The following UBE2F variants were observed in gnomAD, a reference collection of about 807,000 sequenced individuals.
UBE2F encodes ubiquitin conjugating enzyme E2 F (putative).
UBE2F carries 5 observed loss-of-function variants against 29.6 expected under a neutral mutation model. That is an observed-to-expected ratio of 0.17 (90% CI 0.09 to 0.36). UBE2F has a LOEUF of 0.36. Ranked by LOEUF, UBE2F falls within the 10% of genes least tolerant of loss-of-function variation. The probability of loss-of-function intolerance (pLI) is 1.00; values close to 1 mark genes in which losing one functional copy is unlikely to be tolerated. For synonymous variants in UBE2F, 66 were observed against 81.8 expected (o/e 0.81, Z 1.04); for missense variants, 141 against 228.5 (o/e 0.62, Z 2.47).
At chr2:238,019,646 T>C (rs978502866) in intron 5 of UBE2F, among the ~76,000 whole-genome samples, 1 of 118,964 alleles carries the variant, frequency 8.4e-6, no homozygotes, top group Non-Finnish European at 1.7e-5. Flanking sequence ...GGAGCCACTG[T>C]GCTCAGCCTT....
chr2:238,013,660 C>T (rs1019060443), intron 4 of UBE2F, among the ~76,000 whole-genome samples: 3 of 151,946 alleles, frequency 2.0e-5, no homozygotes, highest in East Asian at 1.9e-4. Context: ...TGATTTGAGG[C>T]GACATACCCC....
intron 5 of UBE2F, among the ~76,000 whole-genome samples, chr2:238,019,963 G>C (rs1407784989): frequency 6.6e-6 from 1 of 152,084 alleles, no homozygotes; most frequent in African/African-American, 2.4e-5. Flanking sequence ...CCAGCCTCCT[G>C]TTCCCTTCTC....
At chr2:237,997,659 G>T (rs994091620) in intron 4 of UBE2F, among the ~76,000 whole-genome samples, 1 of 152,182 alleles carries the variant, frequency 6.6e-6, no homozygotes, top group Non-Finnish European at 1.5e-5. Flanking sequence ...TGATCTGGGG[G>T]TTAGAATGGT....
intron 3 of UBE2F, among the ~76,000 whole-genome samples, chr2:237,988,246 G>A (rs969288258): frequency 7.2e-5 from 11 of 152,004 alleles, no homozygotes; most frequent in Admixed American, 1.3e-4. Context: ...TTAGGAGTTC[G>A]AGACCAGCCT....
rs1043170189 is a variant in UBE2F at position 238,034,198 on chromosome 2, C to T, written c.445-1680C>T. 4.6e-5 allele frequency among the ~76,000 whole-genome samples: 7 copies of T among 151,798 alleles called. No homozygotes were observed. In the East Asian group the frequency reaches 1.2e-3, roughly 25 times the overall value. On this transcript the variant is annotated intron_variant, in intron 8 of 9. Transcript: ENST00000272930. ...CCAGCACTTTAGGAGGCGCTGAGGC[C>T]AGCAGATCACCTGAGGTCAGAAATT...
At position 237,987,979 on chromosome 2, in the gene UBE2F, A is replaced by G; in HGVS notation, c.135A>G (p.Glu45=). The stretch of plus-strand genomic sequence containing the variant: ...TTTCTACAGAGGTTGCAGAACTTGA[A>G]GCTAATTTACCTTGTAAGTATAGCA... ...KLLVKEVAEL[E]ANLPCTCKVH... is the part of the protein sequence containing the mutation. Residue 45 remains glutamate, a synonymous_variant, in exon 3 of 10, where the codon GAA becomes GAG. Transcript: ENST00000272930. 6.6e-7 allele frequency: 1 copy of G among 1,509,986 alleles called. No homozygotes were observed. The highest frequency in any genetic ancestry group is 8.9e-7 in the Non-Finnish European group (1 of 1,126,458). The allele number at this position is 1,509,986 out of a possible 1,614,324, so 93.5% of individuals were successfully genotyped here.
chr2:238,038,994 G>A (rs1254236955), intron 9 of UBE2F, among the ~76,000 whole-genome samples: 1 of 152,214 alleles, frequency 6.6e-6, no homozygotes, highest in Admixed American at 6.5e-5. Flanking sequence ...CAGCACTTTG[G>A]GAAGCTGAGG....
At chr2:238,022,580 G>T (rs887225637) in intron 5 of UBE2F, among the ~76,000 whole-genome samples, 9 of 152,116 alleles carry the variant, frequency 5.9e-5, no homozygotes, top group African/African-American at 2.2e-4. Flanking sequence ...GCAGCCTTCA[G>T]ACCCCAAGAT....
rs757186083 is a variant in UBE2F at position 238,016,615 on chromosome 2, C to T, written c.264C>T (p.Pro88=). The T allele has an allele frequency of 5.0e-6, 8 of 1,612,726 alleles. No individual in the cohort carries two copies. The highest frequency in any genetic ancestry group is 2.2e-5 in the South Asian group (2 of 90,876). The change falls in exon 5 of 10, where the codon CCC becomes CCT. Residue 88 remains proline, a synonymous_variant. Coordinates refer to ENST00000272930, the MANE Select transcript of UBE2F (RefSeq NM_080678.3). ...GGKFQFETEV[P]DAYNMVPPKV... ...AATTTCAGTTTGAAACTGAAGTTCCCGATGCGTACAACATGGTGGTGAGTA... is the reference window on the plus strand; with the variant it reads ...AATTTCAGTTTGAAACTGAAGTTCCTGATGCGTACAACATGGTGGTGAGTA...
intron 4 of UBE2F, among the ~76,000 whole-genome samples, chr2:238,006,533 C>T (rs1050560701): frequency 1.3e-5 from 2 of 152,178 alleles, no homozygotes; most frequent in African/African-American, 4.8e-5. Context: ...TGTCCTACAA[C>T]CTTGATAAAC....
At chr2:237,971,847 G>A (rs889064712) in intron 1 of UBE2F, among the ~76,000 whole-genome samples, 11 of 152,244 alleles carry the variant, frequency 7.2e-5, no homozygotes, top group Admixed American at 6.5e-4. Context: ...GGTGGGAGAT[G>A]TTGGTAATAG....
intron 4 of UBE2F, chr2:238,003,498 T>G: frequency 2.3e-6 from 1 of 442,468 alleles, no homozygotes; most frequent in Non-Finnish European, 4.8e-6. Flanking sequence ...CCAAGTCAGA[T>G]TCTCTCGTGG....
At chr2:238,032,337 C>T (rs1576640847) in intron 8 of UBE2F, 83 bp downstream of exon 8, 3 of 1,213,438 alleles carry the variant, frequency 2.5e-6, no homozygotes, top group South Asian at 1.3e-5. Flanking sequence ...ATGGTTTTAA[C>T]ACAAAACCAT....
At chr2:238,035,399 G>A (rs551282117) in intron 8 of UBE2F, 20 of 167,610 alleles carry the variant, frequency 1.2e-4, no homozygotes, top group African/African-American at 2.2e-4. Flanking sequence ...TCTAGACATC[G>A]TCCCTATTGG....
At chr2:238,004,733 A>G (rs191095570) in intron 4 of UBE2F, among the ~76,000 whole-genome samples, 23 of 152,200 alleles carry the variant, frequency 1.5e-4, no homozygotes, top group Non-Finnish European at 2.2e-4. Flanking sequence ...TAAGGGAGGG[A>G]GATTGTCCTG....
chr2:237,979,435 A>G (rs1189258188), intron 2 of UBE2F, among the ~76,000 whole-genome samples: 1 of 152,184 alleles, frequency 6.6e-6, no homozygotes, highest in African/African-American at 2.4e-5. Flanking sequence ...GGGGAGAAAG[A>G]GAAGCATTTA....
chr2:237,998,229 A>T (rs2063726487), intron 4 of UBE2F, among the ~76,000 whole-genome samples: 1 of 152,250 alleles, frequency 6.6e-6, no homozygotes, highest in Non-Finnish European at 1.5e-5. Context: ...ATGTATACAC[A>T]TATGTAACCA....
rs182123935 is a variant in UBE2F at position 238,023,856 on chromosome 2, A to T, written c.283-1486A>T. ...ATCTTCTGAAGGACATGAGCAGTGT[A>T]TCAGAAGCTAGGGTTTATGACCAGC... On this transcript the variant is annotated intron_variant, in intron 5 of 9. Coordinates refer to ENST00000272930, the MANE Select transcript of UBE2F (RefSeq NM_080678.3). 5.3e-5 allele frequency among the ~76,000 whole-genome samples: 8 copies of T among 152,212 alleles called. No homozygotes were observed. In the East Asian group the frequency reaches 1.5e-3, roughly 29 times the overall value.
intron 2 of UBE2F, among the ~76,000 whole-genome samples, chr2:237,979,483 G>A (rs887490226): frequency 3.9e-5 from 6 of 152,216 alleles, no homozygotes; most frequent in Admixed American, 2.6e-4. Flanking sequence ...GTGTCCTGGC[G>A]CGGAAGTCTA....
Sources: allele counts gnomAD v4.1 joint callset (sites outside exome capture counted in the v4.1 genomes callset), GRCh38; gene constraint gnomAD v4.1.1; transcripts MANE v1.5; gene names NCBI Gene and HGNC (gene_info 2026-07-23, HGNC 2026-07-21).